SGCG: variants seen among roughly 807,000 people sequenced by gnomAD.
SGCG encodes gamma-sarcoglycan.
In SGCG, 26 loss-of-function variants were observed where a neutral mutation model predicts 29.3. The observed-to-expected ratio is 0.89, with a 90% CI of 0.65 to 1.23. The LOEUF (loss-of-function observed/expected upper bound fraction) is 1.23. Among genes scored for constraint, SGCG ranks in the 50% most tolerant of loss-of-function variants. SGCG has a pLI of 0.00. For synonymous variants in SGCG, 145 were observed against 129.7 expected (o/e 1.12, Z -0.80); for missense variants, 353 against 356.0 (o/e 0.99, Z 0.07).
At chr13:23,268,633 G>T (rs78718628) in intron 4 of SGCG, 1,656 of 152,508 alleles carry the variant, frequency 0.011, 31 homozygotes, top group African/African-American at 0.037. Flanking sequence ...TGGTGGGTGG[G>T]TTGACGTGTG....
the SGCG span, among the ~76,000 whole-genome samples, chr13:23,173,975 C>T: frequency 6.6e-6 from 1 of 152,156 alleles, no homozygotes; most frequent in Non-Finnish European, 1.5e-5. Context: ...GCAAGGACTT[C>T]AAAGTTCAGT....
intron 4 of SGCG, among the ~76,000 whole-genome samples, chr13:23,264,792 T>C (rs1880575547): frequency 6.6e-6 from 1 of 152,174 alleles, no homozygotes; most frequent in South Asian, 2.1e-4. Context: ...AACTAATTGA[T>C]CTTTGACAAA....
intron 2 of SGCG, among the ~76,000 whole-genome samples, chr13:23,215,665 C>T (rs1056632432): frequency 6.6e-6 from 1 of 151,820 alleles, no homozygotes; most frequent in Admixed American, 6.6e-5. Context: ...TACCTGCTAC[C>T]CTGTTAAACT....
In SGCG at chr13:23,299,436, A is replaced by T. The variant is rs555027652; in HGVS notation, c.578+3949A>T. On this transcript the variant is annotated intron_variant, in intron 6 of 7. Coordinates refer to ENST00000218867, the MANE Select transcript of SGCG (RefSeq NM_000231.3). Reference sequence around the variant, plus strand: ...TATATATATATATATATATATATATATATATATATATATATATATATTTTT... The same window carrying T: ...TATATATATATATATATATATATATTTATATATATATATATATATATTTTT... 1.3e-3 allele frequency among the ~76,000 whole-genome samples: 7 copies of T among 5,594 alleles called. 1 individual carries two copies. The highest frequency in any genetic ancestry group is 3.2e-3 in the Admixed American group (1 of 308). 3.7% of individuals were successfully genotyped at this position (5,594 alleles called of 152,430 possible).
At chr13:23,218,197 A>G (rs1878504409) in intron 2 of SGCG, among the ~76,000 whole-genome samples, 1 of 152,226 alleles carries the variant, frequency 6.6e-6, no homozygotes, top group Non-Finnish European at 1.5e-5. Flanking sequence ...AAAGTTTATA[A>G]TATATGTATT....
chr13:23,198,195 G>A (rs1877588234), intron 1 of SGCG, among the ~76,000 whole-genome samples: 1 of 144,184 alleles, frequency 6.9e-6, no homozygotes, highest in Admixed American at 7.1e-5. Context: ...AAAATCATAT[G>A]ATATTAACTC....
chr13:23,214,098 C>G (rs954902902), intron 2 of SGCG, among the ~76,000 whole-genome samples: 1 of 152,158 alleles, frequency 6.6e-6, no homozygotes, highest in Admixed American at 6.5e-5. Context: ...CAGGAAAGGG[C>G]CTTCAGACCT....
Position 23,320,650 on chromosome 13 carries a change from A to C in SGCG, c.592A>C (p.Thr198Pro). The change falls in exon 7 of 8, where the codon ACT becomes CCT. Residue 198 changes from threonine (T) to proline (P), a missense_variant. Transcript: ENST00000218867. ...PFQDLRLESP[T>P]RSLSMDAPRG... is the part of the protein sequence containing the mutation. ...TCCTCATCTCAGATTAGAATCCCCC[A>C]CTCGGAGTCTAAGCATGGATGCCCC... 1 of 1,543,950 alleles carries C rather than the reference A, an allele frequency of 6.5e-7. No individual in the cohort carries two copies. Among genetic ancestry groups the C allele is most frequent in the African/African-American group, 1.5e-5 (1 of 67,960 alleles).
the SGCG span, among the ~76,000 whole-genome samples, chr13:23,167,137 G>A: frequency 6.6e-6 from 1 of 152,120 alleles, no homozygotes; most frequent in Non-Finnish European, 1.5e-5. Flanking sequence ...GCAAATAAGT[G>A]AGAACATACA....
chr13:23,166,484 G>A, the SGCG span, among the ~76,000 whole-genome samples: 31 of 152,286 alleles, frequency 2.0e-4, no homozygotes, highest in East Asian at 2.5e-3. Context: ...CTGAGCCACC[G>A]TGCCCAGCCT....
chr13:23,164,962 C>G, the SGCG span, among the ~76,000 whole-genome samples: 1 of 152,162 alleles, frequency 6.6e-6, no homozygotes, highest in Non-Finnish European at 1.5e-5. Flanking sequence ...TTTTCTCCTT[C>G]ACCTACTCAG....
At chr13:23,168,548 C>T in the SGCG span, among the ~76,000 whole-genome samples, 2 of 152,276 alleles carry the variant, frequency 1.3e-5, no homozygotes, top group South Asian at 2.1e-4. Flanking sequence ...CAGTACATAA[C>T]GCAGCTTCTC....
At position 23,319,426 on chromosome 13, in the gene SGCG, T is replaced by C. The variant is rs183999382; in HGVS notation, c.579-1211T>C. Among the ~76,000 whole-genome samples the C allele has an allele frequency of 3.9e-3, 588 of 152,298 alleles. 2 individuals are homozygous for C. The highest frequency in any genetic ancestry group is 6.4e-3 in the Non-Finnish European group (434 of 68,012). Reference sequence around the variant, plus strand: ...ATAAATGTCTCTAAGCGTTTTCTCATACTCAAGGTAAGACTTCAAAATGTG... The same window carrying C: ...ATAAATGTCTCTAAGCGTTTTCTCACACTCAAGGTAAGACTTCAAAATGTG... On this transcript the variant is annotated intron_variant, in intron 6 of 7. Transcript: ENST00000218867.
intron 6 of SGCG, among the ~76,000 whole-genome samples, chr13:23,317,484 C>A (rs150416407): frequency 6.6e-6 from 1 of 152,002 alleles, no homozygotes; most frequent in African/African-American, 2.4e-5. Flanking sequence ...ATACCAGCTA[C>A]GAACACGTGA....
In SGCG at chr13:23,291,053, A is replaced by G. The variant is rs566277761; in HGVS notation, c.506-4362A>G. Among the ~76,000 whole-genome samples, 10 of 152,326 alleles carry G rather than the reference A, an allele frequency of 6.6e-5. No individual in the cohort carries two copies. In the South Asian group the frequency reaches 2.1e-3, roughly 32 times the overall value. On this transcript the variant is annotated intron_variant, in intron 5 of 7. Transcript: ENST00000218867. Reference sequence around the variant, plus strand: ...AGCATCATTCATCATATAATGCTCTAGGATCCAGAAGGGAAGAATGGTGTT... The same window carrying G: ...AGCATCATTCATCATATAATGCTCTGGGATCCAGAAGGGAAGAATGGTGTT...
At chr13:23,189,985 C>A (rs549631260) in intron 1 of SGCG, among the ~76,000 whole-genome samples, 1 of 152,238 alleles carries the variant, frequency 6.6e-6, no homozygotes, top group East Asian at 1.9e-4. Context: ...TTAGTCTCAA[C>A]ATAGACAACT....
At chr13:23,307,450 T>G (rs908624940) in intron 6 of SGCG, among the ~76,000 whole-genome samples, 3 of 152,224 alleles carry the variant, frequency 2.0e-5, no homozygotes, top group Admixed American at 6.5e-5. Context: ...AGTTATCTTT[T>G]TTCAAGACAG....
At chr13:23,189,865 C>T (rs1877167977) in intron 1 of SGCG, among the ~76,000 whole-genome samples, 1 of 152,162 alleles carries the variant, frequency 6.6e-6, no homozygotes, top group South Asian at 2.1e-4. Context: ...CCCTACCCTA[C>T]TCCTTCACCC....
chr13:23,229,007 C>G (rs778598497), intron 2 of SGCG, among the ~76,000 whole-genome samples: 2 of 152,168 alleles, frequency 1.3e-5, no homozygotes, highest in African/African-American at 2.4e-5. Context: ...GTAGCTGGGA[C>G]TACAGGCATG....
Sources: gnomAD v4.1 joint callset for allele counts (sites outside exome capture counted in the v4.1 genomes callset) on GRCh38, gnomAD v4.1.1 for gene constraint, MANE v1.5 for transcripts, NCBI Gene and HGNC (gene_info 2026-07-23, HGNC 2026-07-21) for gene names.